DGKH: variants seen among roughly 807,000 people sequenced by gnomAD.
DGKH encodes the protein DAG kinase eta.
DGKH carries 90 observed loss-of-function variants against 159.3 expected under a neutral mutation model. The observed-to-expected ratio is 0.57, with a 90% CI of 0.48 to 0.67. The LOEUF is 0.67. Ranked by LOEUF, DGKH falls within the 30% of genes least tolerant of loss-of-function variation. The pLI is 0.00. For missense variants in DGKH, 1,181 were observed against 1,506.1 expected (o/e 0.78, Z 3.57); for synonymous variants, 536 against 553.8 (o/e 0.97, Z 0.45).
At position 42,138,370 on chromosome 13, in the gene DGKH, G is replaced by C. The variant is rs574728785; in HGVS notation, c.384+8738G>C. ...TTTGCACAGTGTGTGCATGTGAGAGGGGGTGAGGAGAGATGGTGGAAACTG... is the reference window on the plus strand; with the variant it reads ...TTTGCACAGTGTGTGCATGTGAGAGCGGGTGAGGAGAGATGGTGGAAACTG... On this transcript the variant is annotated intron_variant, in intron 3 of 29. Coordinates refer to ENST00000337343, the MANE Select transcript of DGKH (RefSeq NM_178009.5). 9.1e-4 allele frequency among the ~76,000 whole-genome samples: 138 copies of C among 152,276 alleles called. 1 individual carries two copies. Among genetic ancestry groups the C allele is most frequent in the Admixed American group, 1.3e-3 (20 of 15,282 alleles).
intron 1 of DGKH, among the ~76,000 whole-genome samples, chr13:42,053,323 T>TA (rs201856335): frequency 1.0e-4 from 15 of 145,516 alleles, no homozygotes; most frequent in Middle Eastern, 3.6e-3. Flanking sequence ...TAAAGTAAAA[T>TA]AAAAAAAAAA....
At chr13:42,128,770 C>T (rs1248437966) in intron 2 of DGKH, among the ~76,000 whole-genome samples, 1 of 152,218 alleles carries the variant, frequency 6.6e-6, no homozygotes, top group Non-Finnish European at 1.5e-5. Flanking sequence ...CTGTGCTAGA[C>T]TGTAGGTTCC....
chr13:42,086,167 C>G (rs1464318890), intron 1 of DGKH, among the ~76,000 whole-genome samples: 1 of 152,190 alleles, frequency 6.6e-6, no homozygotes, highest in Non-Finnish European at 1.5e-5. Context: ...ATCCGCCCAC[C>G]TTTGTTTCCC....
At position 42,194,917 on chromosome 13, in the gene DGKH, G is replaced by A. The variant is rs778682599; in HGVS notation, c.2068G>A (p.Ala690Thr). 1.9e-6 allele frequency: 3 copies of A among 1,613,752 alleles called. No homozygotes were observed. The highest frequency in any genetic ancestry group is 2.5e-6 in the Non-Finnish European group (3 of 1,179,842). The change falls in exon 17 of 30, where the codon GCA (alanine) becomes ACA (threonine). Residue 690 changes from alanine to threonine, a missense_variant. Coordinates refer to ENST00000337343, the MANE Select transcript of DGKH (RefSeq NM_178009.5). ...TGCACCTCGGTCTCCAGATGCCCGGGCAAGTTATGGCCATTCCCAAACTGA... is the reference window on the plus strand; with the variant it reads ...TGCACCTCGGTCTCCAGATGCCCGGACAAGTTATGGCCATTCCCAAACTGA... Reference protein sequence around the residue: ...KTAPRSPDARASYGHSQTDSV... With the variant: ...KTAPRSPDARTSYGHSQTDSV...
chr13:42,192,953 A>G (rs1386620516), intron 16 of DGKH, among the ~76,000 whole-genome samples: 1 of 152,170 alleles, frequency 6.6e-6, no homozygotes, highest in Non-Finnish European at 1.5e-5. Flanking sequence ...TGTTACAAAG[A>G]CTACTCAAGA....
intron 1 of DGKH, among the ~76,000 whole-genome samples, chr13:42,058,579 CTATAT>C (rs1485832272): frequency 6.6e-6 from 1 of 152,160 alleles, no homozygotes; most frequent in Non-Finnish European, 1.5e-5. Flanking sequence ...TTGTCATGTA[CTATAT>C]TATATTAGAT....
intron 3 of DGKH, among the ~76,000 whole-genome samples, chr13:42,151,082 G>T (rs1955868744): frequency 6.6e-6 from 1 of 152,098 alleles, no homozygotes; most frequent in Non-Finnish European, 1.5e-5. Flanking sequence ...CTAGAGTCGA[G>T]AGTCTCTGGA....
At chr13:42,135,491 G>GAA (rs757279736) in intron 3 of DGKH, among the ~76,000 whole-genome samples, 23 of 69,000 alleles carry the variant, frequency 3.3e-4, no homozygotes, top group East Asian at 1.2e-3. Context: ...CCCTGTCTCA[G>GAA]AAAAAAAAAA....
intron 1 of DGKH, among the ~76,000 whole-genome samples, chr13:42,110,607 T>TTCATTCATTCAG (rs1269538718): frequency 2.6e-5 from 4 of 152,116 alleles, no homozygotes; most frequent in Non-Finnish European, 5.9e-5. Context: ...CATTCATTCA[T>TTCATTCATTCAG]TCGTTGTTTT....
intron 20 of DGKH, among the ~76,000 whole-genome samples, chr13:42,201,094 G>C (rs1957337376): frequency 1.3e-5 from 2 of 152,130 alleles, no homozygotes; most frequent in African/African-American, 4.8e-5. Context: ...CTGGGTTCAA[G>C]CGATTCTTCT....
At position 42,219,702 on chromosome 13, in the gene DGKH, G is replaced by T; in HGVS notation, c.3350G>T (p.Cys1117Phe). ...PNEDEEPPMD[C>F]TKRNNRSTVF... ...TTTGAACAGGAACCTCCTATGGATT[G>T]CACCAAAAGGAACAACAGAAGCACC... Residue 1117 changes from cysteine (C) to phenylalanine (F), a missense_variant, in exon 28 of 30, where the codon TGC (cysteine) becomes TTC (phenylalanine). Physicochemically the swap from Cys to Phe is radical, Grantham distance 205. Around this residue, in one of 5 missense-constraint regions of DGKH, gnomAD observed 335 missense variants for 495.2 expected, o/e 0.68. Coordinates refer to ENST00000337343, the MANE Select transcript of DGKH (RefSeq NM_178009.5). 1 of 1,613,572 alleles carries T rather than the reference G, an allele frequency of 6.2e-7. No homozygotes were observed. Among genetic ancestry groups the T allele is most frequent in the South Asian group, 1.1e-5 (1 of 91,022 alleles).
At chr13:42,225,344 GT>G (rs1466012234) in intron 29 of DGKH, 1 of 1,576,512 alleles carries the variant, frequency 6.3e-7, no homozygotes, top group African/African-American at 1.4e-5. Context: ...TATGGTGAGA[GT>G]TTTTTGTTTA....
intron 11 of DGKH, among the ~76,000 whole-genome samples, chr13:42,173,219 C>G (rs1956508753): frequency 6.6e-6 from 1 of 152,206 alleles, no homozygotes; most frequent in South Asian, 2.1e-4. Flanking sequence ...AATTCATTCA[C>G]TTCAGTCTCC....
Position 42,194,958 on chromosome 13 carries a change from A to G in DGKH, c.2109A>G (p.Pro703=). The change falls in exon 17 of 30, where the codon CCA becomes CCG. Residue 703 remains proline (P), a synonymous_variant. Coordinates refer to ENST00000337343, the MANE Select transcript of DGKH (RefSeq NM_178009.5). ...CCCAAACTGATTCTGTCCCTGGTCC[A>G]GCTGTGGCAGCCAGCAAAGAAAACC... ...GHSQTDSVPG[P]AVAASKENLP... is the part of the protein sequence containing the mutation. 1 of 1,614,122 alleles carries G rather than the reference A, an allele frequency of 6.2e-7. No individual in the cohort carries two copies.
At chr13:42,059,905 C>CTTTTTTTTT (rs11357293) in intron 1 of DGKH, among the ~76,000 whole-genome samples, 2 of 139,814 alleles carry the variant, frequency 1.4e-5, no homozygotes, top group African/African-American at 2.6e-5. Context: ...TCTCTTTTTT[C>CTTTTTTTTT]TTTTTTTTTT....
chr13:42,165,466 T>C (rs367792151), intron 8 of DGKH, 33 bp downstream of exon 8: 12 of 1,254,586 alleles, frequency 9.6e-6, no homozygotes, highest in African/African-American at 1.5e-5. Context: ...CGTATATTTC[T>C]GGTATATTTA....
chr13:42,171,277 G>C (rs75659460), intron 11 of DGKH, among the ~76,000 whole-genome samples: 2,069 of 152,312 alleles, frequency 0.014, 47 homozygotes, highest in African/African-American at 0.045. Flanking sequence ...TAGCTAATAA[G>C]TAATAGAACG....
rs1172430254 is a variant in DGKH at position 42,232,849 on chromosome 13, C to G, written c.*3661C>G. On this transcript the variant is annotated 3_prime_UTR_variant, in exon 30 of 30. Coordinates refer to ENST00000337343, the MANE Select transcript of DGKH (RefSeq NM_178009.5). ...TAAATTTAAATGTAATTTAATTAAG[C>G]CAGGCATAATGGCACAAGCCTGTAA... The G allele has an allele frequency of 6.6e-6, 1 of 152,158 alleles. No individual in the cohort carries two copies. The highest frequency in any genetic ancestry group is 1.5e-5 in the Non-Finnish European group (1 of 68,032). 9.4% of individuals were successfully genotyped at this position (152,158 alleles called of 1,614,324 possible).
chr13:42,091,731 C>G (rs1355396670), intron 1 of DGKH, among the ~76,000 whole-genome samples: 1 of 151,936 alleles, frequency 6.6e-6, no homozygotes, highest in Non-Finnish European at 1.5e-5. Context: ...TCAATAACAA[C>G]AACAAAAAAT....
Sources: gnomAD v4.1 joint callset for allele counts (sites outside exome capture counted in the v4.1 genomes callset) on GRCh38, gnomAD v4.1.1 for gene constraint, gnomAD v4.1.1 regional missense constraint, MANE v1.5 for transcripts, NCBI Gene and HGNC (gene_info 2026-07-23, HGNC 2026-07-21) for gene names.